The following GALNT18 variants were observed in gnomAD, a reference collection of about 807,000 sequenced individuals.
GALNT18 encodes polypeptide N-acetylgalactosaminyltransferase 18, also known as GalNAc-transferase 18.
Under a neutral mutation model 69.5 loss-of-function variants are expected in GALNT18, and 44 were observed. The ratio of observed to expected loss-of-function variants is 0.63; its 90% confidence interval spans 0.50 to 0.81. The LOEUF is 0.81. Among genes scored for constraint, GALNT18 ranks in the 40% least tolerant of loss-of-function variants. The pLI, the probability that GALNT18 is intolerant of heterozygous loss-of-function variation, is 0.00. For synonymous variants in GALNT18, 364 were observed against 318.2 expected (o/e 1.14, Z -1.53); for missense variants, 715 against 810.0 (o/e 0.88, Z 1.42).
chr11:11,502,803 G>T (rs966363190), intron 1 of GALNT18, among the ~76,000 whole-genome samples: 1 of 152,274 alleles, frequency 6.6e-6, no homozygotes, highest in African/African-American at 2.4e-5. Context: ...GAGGCGTAGC[G>T]TATCCTCAGA....
rs149305807 is a variant in GALNT18 at position 11,365,708 on chromosome 11, T to C, written c.1092+6807A>G. Among the ~76,000 whole-genome samples, 145 of 152,314 alleles carry C rather than the reference T, an allele frequency of 9.5e-4. 1 individual carries two copies. Among genetic ancestry groups the C allele is most frequent in the African/African-American group, 3.4e-3 (141 of 41,580 alleles). ...CTGACTGGTGTGAGATGGTATCTCA[T>C]TGTGGTTTTGATTTGCATTTCAATA... On this transcript the variant is annotated intron_variant, in intron 6 of 10. Transcript: ENST00000227756.
chr11:11,427,522 A>G (rs1855160917), intron 3 of GALNT18, among the ~76,000 whole-genome samples: 1 of 152,158 alleles, frequency 6.6e-6, no homozygotes, highest in African/African-American at 2.4e-5. Flanking sequence ...TAGAGTTTTA[A>G]ACACCAACAT....
chr11:11,385,754 A>G (rs934406164), intron 3 of GALNT18, among the ~76,000 whole-genome samples: 4 of 152,146 alleles, frequency 2.6e-5, no homozygotes, highest in African/African-American at 9.7e-5. Context: ...GGGTGAACTG[A>G]ATTTTATCCC....
Position 11,271,285 on chromosome 11 carries a change from T to G in GALNT18, c.1683A>C (p.Gly561=), listed in dbSNP as rs772837882. 20 of 1,613,520 alleles carry G rather than the reference T, an allele frequency of 1.2e-5. No individual in the cohort carries two copies. Among genetic ancestry groups the G allele is most frequent in the Non-Finnish European group, 8.5e-7 (1 of 1,179,746 alleles). Residue 561 remains glycine, a synonymous_variant, in exon 11 of 11, where the codon GGA becomes GGC. Coordinates refer to ENST00000227756, the MANE Select transcript of GALNT18 (RefSeq NM_198516.3). The part of the protein sequence containing the change: ...MKLHWQFSQG[G]PIQNRKSKRC... The stretch of plus-strand genomic sequence containing the variant: ...GCTTAGACTTGCGGTTCTGGATGGG[T>G]CCTCCCTAGGGGCCAGGGCAGACAG...
At chr11:11,273,374 T>TA (rs1235190478) in intron 10 of GALNT18, among the ~76,000 whole-genome samples, 1 of 151,996 alleles carries the variant, frequency 6.6e-6, no homozygotes, top group African/African-American at 2.4e-5. Context: ...AAAATCCAAT[T>TA]AAAAAATGGG....
Position 11,541,611 on chromosome 11 carries a change from C to T in GALNT18, c.235+79748G>A, listed in dbSNP as rs576942344. ...TGGGCTGGCACCCCAGCCCCACCCA[C>T]AAATGCATCTCTGCCTTCAGATCTG... On this transcript the variant is annotated intron_variant, in intron 1 of 10. Coordinates refer to ENST00000227756, the MANE Select transcript of GALNT18 (RefSeq NM_198516.3). This position sits in a 1 kb window ranked among gnomAD's most constrained non-coding sequence, Gnocchi z 4.8. 6.6e-6 allele frequency among the ~76,000 whole-genome samples: 1 copy of T among 152,310 alleles called. No individual in the cohort carries two copies. Among genetic ancestry groups the T allele is most frequent in the African/African-American group, 2.4e-5 (1 of 41,566 alleles).
At chr11:11,293,349 G>A (rs767078208) in intron 9 of GALNT18, among the ~76,000 whole-genome samples, 156 bp from the exon 10 acceptor site, 63 of 152,110 alleles carry the variant, frequency 4.1e-4, no homozygotes, top group Admixed American at 7.2e-4. Flanking sequence ...ATTTTCTATT[G>A]CAATGGACAA....
At chr11:11,328,724 C>A (rs1190204457) in intron 8 of GALNT18, among the ~76,000 whole-genome samples, 1 of 152,156 alleles carries the variant, frequency 6.6e-6, no homozygotes, top group Non-Finnish European at 1.5e-5. Context: ...CATTATAAAC[C>A]AATTCCTTGG....
intron 1 of GALNT18, chr11:11,476,507 G>A (rs909901157): frequency 6.6e-6 from 1 of 152,158 alleles, no homozygotes; most frequent in Non-Finnish European, 1.5e-5. Flanking sequence ...TAGGACTCTG[G>A]AGGTGCTTTC....
In GALNT18 at chr11:11,332,742, G is replaced by T. The variant is rs140408899; in HGVS notation, c.1368C>A (p.Ser456Arg). ...AGTACATCCTCATCTCTGGGTACAC[G>T]CTGACCAGGTACCACCGGAAGGTCT... Reference protein sequence around the residue: ...QCKTFRWYLVSVYPEMRMYSD... With the variant: ...QCKTFRWYLVRVYPEMRMYSD... Residue 456 changes from serine to arginine, a missense_variant, in exon 8 of 11, where the codon AGC (serine) becomes AGA (arginine). Coordinates refer to ENST00000227756, the MANE Select transcript of GALNT18 (RefSeq NM_198516.3). This position sits in a 1 kb window ranked among gnomAD's most constrained non-coding sequence, Gnocchi z 4.3. 2 of 1,614,072 alleles carry T rather than the reference G, an allele frequency of 1.2e-6. No individual in the cohort carries two copies. Among genetic ancestry groups the T allele is most frequent in the South Asian group, 2.2e-5 (2 of 91,074 alleles).
chr11:11,520,899 G>A (rs934155273), intron 1 of GALNT18, among the ~76,000 whole-genome samples: 2 of 151,548 alleles, frequency 1.3e-5, no homozygotes, highest in Non-Finnish European at 2.9e-5. Flanking sequence ...AGCATGTGGG[G>A]AAACTAGTCC....
At chr11:11,453,624 C>T (rs1001017463) in intron 1 of GALNT18, among the ~76,000 whole-genome samples, 3 of 152,084 alleles carry the variant, frequency 2.0e-5, no homozygotes, top group Admixed American at 6.5e-5. Context: ...GGGAGGGACC[C>T]GGTGGAGGTA....
At chr11:11,274,186 C>A (rs892327085) in intron 10 of GALNT18, among the ~76,000 whole-genome samples, 11 of 152,214 alleles carry the variant, frequency 7.2e-5, no homozygotes, top group African/African-American at 2.2e-4. Flanking sequence ...GTCTTTGCAA[C>A]TGGCAGACCA....
At chr11:11,533,503 C>T (rs547324169) in intron 1 of GALNT18, among the ~76,000 whole-genome samples, 10 of 152,294 alleles carry the variant, frequency 6.6e-5, no homozygotes, top group Non-Finnish European at 8.8e-5. Flanking sequence ...AGTGAGGCGA[C>T]GTTCGCTCAG....
intron 10 of GALNT18, among the ~76,000 whole-genome samples, chr11:11,288,536 G>A (rs1849237601): frequency 6.6e-6 from 1 of 152,154 alleles, no homozygotes; most frequent in Non-Finnish European, 1.5e-5. Flanking sequence ...TGAGCTCCTT[G>A]AGGGCAGAAG....
In GALNT18 at chr11:11,596,355, T is replaced by G. The variant is rs7480631; in HGVS notation, c.235+25004A>C. On this transcript the variant is annotated intron_variant, in intron 1 of 10. Transcript: ENST00000227756. This position sits in a 1 kb window ranked among gnomAD's most constrained non-coding sequence, Gnocchi z 4.2. ...TTTTGTTTTTGTTTTTCAAGATTAT[T>G]TGGCTAGCCTGTATACCTTAAATTT... 0.034 allele frequency among the ~76,000 whole-genome samples: 5,159 copies of G among 152,262 alleles called. 119 individuals are homozygous for G. The highest frequency in any genetic ancestry group is 0.053 in the Non-Finnish European group (3,602 of 67,980).
intron 1 of GALNT18, among the ~76,000 whole-genome samples, chr11:11,530,253 A>G (rs1857616526): frequency 6.6e-6 from 1 of 152,178 alleles, no homozygotes; most frequent in Non-Finnish European, 1.5e-5. Flanking sequence ...TTTAGCATGC[A>G]CTTAATAACT....
chr11:11,404,729 C>T lies in GALNT18; in HGVS notation c.596-25465G>A, dbSNP rs1854548989. Among the ~76,000 whole-genome samples the T allele has an allele frequency of 6.6e-6, 1 of 152,170 alleles. No homozygotes were observed. Among genetic ancestry groups the T allele is most frequent in the African/African-American group, 2.4e-5 (1 of 41,428 alleles). Reference sequence around the variant, plus strand: ...AACTCTGACTTCATCTCAACCTTAACATCCTTTTGACCTCAACCTTCCTCC... The same window carrying T: ...AACTCTGACTTCATCTCAACCTTAATATCCTTTTGACCTCAACCTTCCTCC... On this transcript the variant is annotated intron_variant, in intron 3 of 10. Transcript: ENST00000227756. This position sits in a 1 kb window ranked among gnomAD's most constrained non-coding sequence, Gnocchi z 4.5.
At chr11:11,277,098 C>G (rs564746777) in intron 10 of GALNT18, among the ~76,000 whole-genome samples, 2 of 152,172 alleles carry the variant, frequency 1.3e-5, no homozygotes, top group Non-Finnish European at 2.9e-5. Flanking sequence ...ACCAGCAACT[C>G]TTTGTGCCTC....
Sources: allele counts gnomAD v4.1 joint callset (sites outside exome capture counted in the v4.1 genomes callset), GRCh38; gene constraint gnomAD v4.1.1; non-coding constraint Gnocchi (gnomAD v3.1); transcripts MANE v1.5; gene names NCBI Gene and HGNC (gene_info 2026-07-23, HGNC 2026-07-21).